ZNF480: variants seen among roughly 807,000 people sequenced by gnomAD.
ZNF480 encodes the protein zinc finger protein 480.
Under a neutral mutation model 14.4 loss-of-function variants are expected in ZNF480, and 15 were observed. The observed-to-expected ratio is 1.04, with a 90% CI of 0.70 to 1.60. The LOEUF (loss-of-function observed/expected upper bound fraction) is 1.60, where lower values mean the gene tolerates loss of function less well. Ranked by LOEUF, ZNF480 falls within the 40% of genes most tolerant of loss-of-function variation. The probability of loss-of-function intolerance (pLI) is 0.00; values close to 1 mark genes in which losing one functional copy is unlikely to be tolerated. For missense variants in ZNF480, 593 were observed against 629.7 expected (o/e 0.94, Z 0.62); for synonymous variants, 218 against 215.5 (o/e 1.01, Z -0.10).
Position 52,321,752 on chromosome 19 carries a change from C to T in ZNF480, c.502C>T (p.Gln168Ter). 6.2e-7 allele frequency: 1 copy of T among 1,613,842 alleles called. No homozygotes were observed. The highest frequency in any genetic ancestry group is 8.5e-7 in the Non-Finnish European group (1 of 1,179,836). ...CCACAGTTCCTCTGTTTCCTGTCTT[C>T]AAGAAATGTCTTCCAGTGTCAAAAC... ...INHSSSVSCLQEMSSSVKTPI... is the reference protein window; with the variant it reads ...INHSSSVSCL Residue 168 changes from glutamine to a stop codon, truncating the protein, a stop_gained, in exon 5 of 5, where the codon CAA becomes TAA. Coordinates refer to ENST00000595962, the MANE Select transcript of ZNF480 (RefSeq NM_144684.4). LOFTEE classifies it low-confidence loss of function (END_TRUNC).
chr19:52,303,800 A>G (rs1982803436), intron 2 of ZNF480, among the ~76,000 whole-genome samples: 1 of 152,204 alleles, frequency 6.6e-6, no homozygotes, highest in Non-Finnish European at 1.5e-5. Context: ...AGCAGGTTGT[A>G]TCCAATTAAT....
intron 3 of ZNF480, among the ~76,000 whole-genome samples, 190 bp downstream of exon 3, chr19:52,314,469 G>C (rs1275466168): frequency 1.6e-5 from 1 of 60,614 alleles, no homozygotes; most frequent in Non-Finnish European, 2.8e-5. Flanking sequence ...GTGAAACTCC[G>C]TCCCAAAAAA....
At chr19:52,304,738 G>A (rs1340529741) in intron 2 of ZNF480, among the ~76,000 whole-genome samples, 1 of 151,900 alleles carries the variant, frequency 6.6e-6, no homozygotes, top group Non-Finnish European at 1.5e-5. Flanking sequence ...TAATTGTTCT[G>A]GAATGAACGC....
chr19:52,320,952 G>A (rs753673537), intron 4 of ZNF480, among the ~76,000 whole-genome samples: 25 of 152,096 alleles, frequency 1.6e-4, no homozygotes, highest in Non-Finnish European at 3.5e-4. Context: ...ACTCCAGCCT[G>A]GACGATAGAG....
chr19:52,316,260 T>C (rs746088459), intron 4 of ZNF480, among the ~76,000 whole-genome samples: 64 of 150,846 alleles, frequency 4.2e-4, no homozygotes, highest in South Asian at 4.0e-3. Context: ...GGAATTTTGC[T>C]CTATTGCCCG....
intron 1 of ZNF480, among the ~76,000 whole-genome samples, chr19:52,299,547 A>G (rs11880020): frequency 0.12 from 18,578 of 152,224 alleles, 1,895 homozygotes; most frequent in African/African-American, 0.28. Context: ...TGTTAGCCTC[A>G]TTCACAGAAC....
intron 3 of ZNF480, among the ~76,000 whole-genome samples, chr19:52,315,258 C>T (rs779062568): frequency 1.6e-4 from 24 of 151,740 alleles, no homozygotes; most frequent in Non-Finnish European, 3.1e-4. Flanking sequence ...TGCATAAAAC[C>T]TTATGGCAAA....
At chr19:52,316,623 G>A (rs1209722402) in intron 4 of ZNF480, among the ~76,000 whole-genome samples, 1 of 152,128 alleles carries the variant, frequency 6.6e-6, no homozygotes, top group African/African-American at 2.4e-5. Flanking sequence ...TAAGTACTCT[G>A]ATTACCGGCA....
At position 52,324,180 on chromosome 19, in the gene ZNF480, T is replaced by C. The variant is rs1983984698; in HGVS notation, c.*1322T>C. 1 of 152,098 alleles carries C rather than the reference T, an allele frequency of 6.6e-6. No homozygotes were observed. Among genetic ancestry groups the C allele is most frequent in the Non-Finnish European group, 1.5e-5 (1 of 68,006 alleles). The allele number at this position is 152,098 out of a possible 1,614,324, so 9.4% of individuals were successfully genotyped here. Reference sequence around the variant, plus strand: ...TCCAAGCTATGAACCAAATCAAGAATGGAATCCCATTCACAGTAGCCACAA... The same window carrying C: ...TCCAAGCTATGAACCAAATCAAGAACGGAATCCCATTCACAGTAGCCACAA... On this transcript the variant is annotated 3_prime_UTR_variant, in exon 5 of 5. Transcript: ENST00000595962.
chr19:52,322,752 A>G lies in ZNF480; in HGVS notation c.1502A>G (p.His501Arg), dbSNP rs767379117. The G allele has an allele frequency of 1.2e-5, 19 of 1,613,896 alleles. No individual in the cohort carries two copies. The highest frequency in any genetic ancestry group is 1.4e-5 in the Non-Finnish European group (17 of 1,179,814). ...VFNRIAHLAR[H>R]RKIHTGEKPY... Reference sequence around the variant, plus strand: ...AATCGAATTGCACACCTTGCACGACATCGGAAAATTCATACTGGAGAGAAA... The same window carrying G: ...AATCGAATTGCACACCTTGCACGACGTCGGAAAATTCATACTGGAGAGAAA... The change falls in exon 5 of 5, where the codon CAT (histidine) becomes CGT (arginine). Residue 501 changes from histidine to arginine, a missense_variant. His to Arg is a conservative substitution (Grantham distance 29). Transcript: ENST00000595962.
intron 2 of ZNF480, among the ~76,000 whole-genome samples, chr19:52,303,734 G>A (rs907499821): frequency 2.0e-5 from 3 of 152,184 alleles, no homozygotes; most frequent in Non-Finnish European, 4.4e-5. Context: ...AGTGAGACTA[G>A]GATCTCCTTT....
At chr19:52,309,265 C>G (rs1983152618) in intron 2 of ZNF480, among the ~76,000 whole-genome samples, 1 of 152,222 alleles carries the variant, frequency 6.6e-6, no homozygotes. Context: ...CAGCTGGAGA[C>G]TCTGGAGGTC....
chr19:52,316,006 G>C, intron 4 of ZNF480, 44 bp downstream of exon 4: 3 of 1,501,806 alleles, frequency 2.0e-6, no homozygotes, highest in South Asian at 1.4e-5. Flanking sequence ...CTGTTGTTTG[G>C]GCTTTTTTTT....
chr19:52,325,260 A>C lies in ZNF480; in HGVS notation c.*2402A>C, dbSNP rs191834808. The C allele has an allele frequency of 5.7e-4, 87 of 152,350 alleles. No individual in the cohort carries two copies. Among genetic ancestry groups the C allele is most frequent in the Middle Eastern group, 3.4e-3 (1 of 294 alleles). The allele number at this position is 152,350 out of a possible 1,614,324, so 9.4% of individuals were successfully genotyped here. On this transcript the variant is annotated 3_prime_UTR_variant, in exon 5 of 5. Coordinates refer to ENST00000595962, the MANE Select transcript of ZNF480 (RefSeq NM_144684.4). ...GGGTATTATCAGAATGGGTATTATT[A>C]AAAAATCAAAACATAGATGCTAGTG...
intron 2 of ZNF480, among the ~76,000 whole-genome samples, chr19:52,310,861 C>G (rs12973398): frequency 0.56 from 84,644 of 150,718 alleles, 24,247 homozygotes; most frequent in Non-Finnish European, 0.62. Context: ...AAAAATTAGC[C>G]GGGCATGGTG....
chr19:52,299,640 C>G (rs757350091), intron 1 of ZNF480, among the ~76,000 whole-genome samples: 1 of 152,160 alleles, frequency 6.6e-6, no homozygotes, highest in East Asian at 1.9e-4. Flanking sequence ...GATGGAAGAA[C>G]CCTCCTAGCA....
chr19:52,318,325 C>T (rs1983653330), intron 4 of ZNF480, among the ~76,000 whole-genome samples: 1 of 152,100 alleles, frequency 6.6e-6, no homozygotes, highest in African/African-American at 2.4e-5. Context: ...CCAGGCTGGT[C>T]TTGAACTCCT....
At chr19:52,312,550 T>G (rs7260178) in intron 2 of ZNF480, among the ~76,000 whole-genome samples, 83,608 of 151,988 alleles carry the variant, frequency 0.55, 23,216 homozygotes, top group Non-Finnish European at 0.59. Context: ...TTGATGCTGA[T>G]CTGTTCATTG....
intron 2 of ZNF480, among the ~76,000 whole-genome samples, chr19:52,305,319 T>A (rs1157090183): frequency 1.3e-5 from 2 of 152,142 alleles, no homozygotes; most frequent in Non-Finnish European, 2.9e-5. Flanking sequence ...ATCCTTTAAA[T>A]TTTTTTCCTT....
Sources: gnomAD v4.1 joint callset for allele counts (sites outside exome capture counted in the v4.1 genomes callset) on GRCh38, gnomAD v4.1.1 for gene constraint, MANE v1.5 for transcripts, NCBI Gene and HGNC (gene_info 2026-07-23, HGNC 2026-07-21) for gene names.